CIB3: variants seen among roughly 807,000 people sequenced by gnomAD.
CIB3 encodes calcium and integrin-binding family member 3.
In CIB3, 22 loss-of-function variants were observed where a neutral mutation model predicts 23.4. The ratio of observed to expected loss-of-function variants is 0.94; its 90% CI spans 0.67 to 1.34. CIB3 has a LOEUF of 1.34. Among genes scored for constraint, CIB3 ranks in the 40% most tolerant of loss-of-function variants. The probability of loss-of-function intolerance (pLI) is 0.00; values close to 1 mark genes in which losing one functional copy is unlikely to be tolerated. For synonymous variants in CIB3, 93 were observed against 95.8 expected, an observed-to-expected ratio of 0.97 and a Z score of 0.17; for missense variants, 258 against 247.3, an observed-to-expected ratio of 1.04 and a Z score of -0.29.
intron 4 of CIB3, among the ~76,000 whole-genome samples, chr19:16,166,569 C>A (rs2091306592): frequency 6.6e-6 from 1 of 152,060 alleles, no homozygotes; most frequent in Non-Finnish European, 1.5e-5. Context: ...TTCATTTATT[C>A]ATTCATTCAT....
At chr19:16,162,274 G>A (rs285230) in intron 5 of CIB3, among the ~76,000 whole-genome samples, 101,220 of 144,234 alleles carry the variant, frequency 0.7, 35,872 homozygotes, top group East Asian at 0.95. Flanking sequence ...AAAGTTTTTA[G>A]TTAGCTAGGC....
intron 4 of CIB3, among the ~76,000 whole-genome samples, chr19:16,167,876 G>A (rs1011252158): frequency 1.3e-5 from 2 of 152,090 alleles, no homozygotes; most frequent in East Asian, 3.8e-4. Flanking sequence ...AAGGAGCAAG[G>A]CGAAAGGTGT....
intron 3 of CIB3, among the ~76,000 whole-genome samples, chr19:16,168,868 G>T (rs1368106744): frequency 6.6e-6 from 1 of 152,112 alleles, no homozygotes; most frequent in Non-Finnish European, 1.5e-5. Context: ...AATCCATTTT[G>T]ATCCAAACCA....
chr19:16,163,156 G>A (rs2091292219), intron 5 of CIB3, among the ~76,000 whole-genome samples: 1 of 152,076 alleles, frequency 6.6e-6, no homozygotes, highest in African/African-American at 2.4e-5. Context: ...CAGCTACTTA[G>A]GAAGCTGAGG....
intron 2 of CIB3, among the ~76,000 whole-genome samples, chr19:16,170,898 A>G (rs2364501): frequency 0.68 from 102,996 of 151,654 alleles, 35,860 homozygotes; most frequent in East Asian, 0.95. Context: ...CAGCACTTTG[A>G]GAGGCCGAGG....
At chr19:16,163,052 G>A (rs2091291630) in intron 5 of CIB3, among the ~76,000 whole-genome samples, 1 of 151,416 alleles carries the variant, frequency 6.6e-6, no homozygotes, top group African/African-American at 2.4e-5. Flanking sequence ...ACCATGCCCA[G>A]GCTAATTTTT....
intron 5 of CIB3, among the ~76,000 whole-genome samples, chr19:16,163,969 T>G (rs1015154041): frequency 3.3e-5 from 5 of 152,146 alleles, no homozygotes; most frequent in East Asian, 1.9e-4. Flanking sequence ...AAAAAAATTT[T>G]TAATGTGTTT....
At chr19:16,172,320 G>T (rs1392505940) in intron 2 of CIB3, among the ~76,000 whole-genome samples, 1 of 152,054 alleles carries the variant, frequency 6.6e-6, no homozygotes, top group East Asian at 1.9e-4. Context: ...TCGCCCAGCT[G>T]ATTTTTGTAT....
chr19:16,173,179 T>C lies in CIB3; in HGVS notation c.69A>G (p.Thr23=). ...GGACTGACCTCATGATCTCCTTCCTTGTGAAAAATGTGCAGTCCTGTGGAG... is the reference window on the plus strand; with the variant it reads ...GGACTGACCTCATGATCTCCTTCCTCGTGAAAAATGTGCAGTCCTGTGGAG... The part of the protein sequence containing the change: ...LEAYQDCTFF[T]RKEIMRLFYR... Residue 23 remains threonine (T), a synonymous_variant, in exon 2 of 6, where the codon ACA becomes ACG. Transcript: ENST00000269878. The C allele has an allele frequency of 6.2e-7, 1 of 1,613,920 alleles. No individual in the cohort carries two copies. Among genetic ancestry groups the C allele is most frequent in the Non-Finnish European group, 8.5e-7 (1 of 1,179,974 alleles).
intron 5 of CIB3, 35 bp downstream of exon 5, chr19:16,164,683 G>T: frequency 1.3e-6 from 2 of 1,590,736 alleles, no homozygotes; most frequent in Non-Finnish European, 1.7e-6. Context: ...CTTCAGATGT[G>T]CAAATGGACT....
chr19:16,165,049 T>TG, intron 4 of CIB3, 136 bp from the exon 5 acceptor site: 1 of 711,154 alleles, frequency 1.4e-6, no homozygotes, highest in Non-Finnish European at 2.4e-6. Flanking sequence ...ATCCCAACAC[T>TG]TTGGGAGGCT....
At chr19:16,162,047 G>A (rs2091286746) in intron 5 of CIB3, among the ~76,000 whole-genome samples, 1 of 151,758 alleles carries the variant, frequency 6.6e-6, no homozygotes, top group Non-Finnish European at 1.5e-5. Context: ...ACAAATAAAT[G>A]ATACATGTTT....
At chr19:16,173,285 G>A in intron 1 of CIB3, 89 bp from the exon 2 acceptor site, 1 of 1,594,722 alleles carries the variant, frequency 6.3e-7, no homozygotes, top group South Asian at 1.1e-5. Flanking sequence ...TCACACAGAT[G>A]GCCTGATGCT....
At position 16,169,720 on chromosome 19, in the gene CIB3, G is replaced by A. The variant is rs1250256529; in HGVS notation, c.108C>T (p.Asp36=). 3 of 1,611,694 alleles carry A rather than the reference G, an allele frequency of 1.9e-6. No homozygotes were observed. The change falls in exon 3 of 6, where the codon GAC becomes GAT. Residue 36 remains aspartate, a synonymous_variant. Coordinates refer to ENST00000269878, the MANE Select transcript of CIB3 (RefSeq NM_054113.4). ...CGAGGGGCACGAGCTGTGGGGCCAG[G>A]TCCTGGTAGCGATAGAAGAGCCTGA... ...EIMRLFYRYQ[D]LAPQLVPLDY...
At chr19:16,161,609 C>A in intron 5 of CIB3, 123 bp from the exon 6 acceptor site, 2 of 932,242 alleles carry the variant, frequency 2.1e-6, no homozygotes, top group South Asian at 1.4e-5. Context: ...ATGGACCCCT[C>A]AAACAACCCT....
intron 5 of CIB3, among the ~76,000 whole-genome samples, chr19:16,163,582 A>G (rs1251086063): frequency 6.6e-6 from 1 of 152,110 alleles, no homozygotes; most frequent in African/African-American, 2.4e-5. Flanking sequence ...AAAAAGAAAC[A>G]TCACTGTGTA....
At chr19:16,165,026 G>A (rs1274197257) in intron 4 of CIB3, 113 bp from the exon 5 acceptor site, 3 of 874,648 alleles carry the variant, frequency 3.4e-6, no homozygotes, top group Non-Finnish European at 5.5e-6. Context: ...GGGCACGGTG[G>A]CTCACGCCTG....
At chr19:16,169,813 T>A in intron 2 of CIB3, 72 bp from the exon 3 acceptor site, 3 of 1,344,304 alleles carry the variant, frequency 2.2e-6, no homozygotes, top group Non-Finnish European at 3.0e-6. Context: ...CCTTCTTTGT[T>A]TTTTGAGACA....
rs2091298409 is a variant in CIB3 at position 16,164,771 on chromosome 19, C to A, written c.489G>T (p.Arg163=). The A allele has an allele frequency of 3.7e-6, 6 of 1,614,064 alleles. No homozygotes were observed. Among genetic ancestry groups the A allele is most frequent in the Non-Finnish European group, 5.1e-6 (6 of 1,179,992 alleles). ...LDEADGDHDG[R]LSLEDFQNMI... ...TGTTCTGGAAATCTTCCAGGGACAG[C>A]CGCCCATCATGGTCTCCATCAGCCT... The change falls in exon 5 of 6, where the codon CGG becomes CGT. Residue 163 remains arginine, a synonymous_variant. Transcript: ENST00000269878.
Sources: allele counts gnomAD v4.1 joint callset (sites outside exome capture counted in the v4.1 genomes callset), GRCh38; gene constraint gnomAD v4.1.1; transcripts MANE v1.5; gene names NCBI Gene and HGNC (gene_info 2026-07-23, HGNC 2026-07-21).